The following ZNF438 variants were observed in gnomAD, a reference collection of about 807,000 sequenced individuals.
ZNF438 encodes zinc finger protein 438.
Under a neutral mutation model 38.0 loss-of-function variants are expected in ZNF438, and 25 were observed. The observed-to-expected ratio is 0.66, with a 90% confidence interval of 0.48 to 0.92. ZNF438 has a LOEUF of 0.92. Among genes scored for constraint, ZNF438 ranks in the 40% least tolerant of loss-of-function variants. ZNF438 has a pLI of 0.00. For synonymous variants in ZNF438, 372 were observed against 364.1 expected (o/e 1.02, Z -0.25); for missense variants, 1,007 against 999.6 (o/e 1.01, Z -0.10).
chr10:30,916,371 A>C (rs962021224), intron 2 of ZNF438, among the ~76,000 whole-genome samples: 1 of 152,066 alleles, frequency 6.6e-6, no homozygotes, highest in Non-Finnish European at 1.5e-5. Context: ...TAGTATTTTC[A>C]ACAAATGTGC....
At chr10:31,032,144 G>A (rs796590300), upstream of ZNF438, among the ~76,000 whole-genome samples, 3 of 152,248 alleles carry the variant, frequency 2.0e-5, no homozygotes, top group Non-Finnish European at 4.4e-5. Context: ...AGAGGAGGAG[G>A]AGGGGCCGAC....
chr10:30,943,622 T>C (rs1033811856), intron 1 of ZNF438, among the ~76,000 whole-genome samples: 13 of 152,080 alleles, frequency 8.5e-5, no homozygotes, highest in African/African-American at 1.4e-4. Context: ...ATAGTGTGGG[T>C]TGACATTACT....
At chr10:30,900,826 A>G (rs769551588) in intron 3 of ZNF438, among the ~76,000 whole-genome samples, 4 of 152,228 alleles carry the variant, frequency 2.6e-5, no homozygotes, top group African/African-American at 7.2e-5. Context: ...AATGGCCTAT[A>G]CTGCAGTAAG....
exon 5 of ZNF438, chr10:30,848,686 T>C (rs1183655251): frequency 6.2e-7 from 1 of 1,614,244 alleles, no homozygotes; most frequent in Non-Finnish European, 8.5e-7. Context: ...CAAACACTTT[T>C]GCACAAAACT....
intron 1 of ZNF438, among the ~76,000 whole-genome samples, chr10:30,965,539 A>G (rs1442355555): frequency 6.6e-6 from 1 of 152,218 alleles, no homozygotes; most frequent in Non-Finnish European, 1.5e-5. Context: ...TCCATCAAAG[A>G]AAACGTGGTA....
chr10:30,901,674 G>A (rs571038885), intron 3 of ZNF438, among the ~76,000 whole-genome samples: 9 of 151,840 alleles, frequency 5.9e-5, no homozygotes, highest in Admixed American at 2.6e-4. Flanking sequence ...ACCGCTCGGC[G>A]ATAGTCTCAC....
At chr10:31,012,572 T>C (rs1340025406) in intron 1 of ZNF438, among the ~76,000 whole-genome samples, 1 of 152,208 alleles carries the variant, frequency 6.6e-6, no homozygotes, top group African/African-American at 2.4e-5. Context: ...ACTGTTTTGA[T>C]CTAGGGGGCC....
At chr10:30,968,000 A>G (rs1439658077) in intron 1 of ZNF438, among the ~76,000 whole-genome samples, 1 of 152,180 alleles carries the variant, frequency 6.6e-6, no homozygotes, top group Non-Finnish European at 1.5e-5. Context: ...ATGGAGAAAA[A>G]GGGGAAAAAA....
intron 2 of ZNF438, among the ~76,000 whole-genome samples, chr10:30,937,268 G>T (rs1244165879): frequency 6.6e-6 from 1 of 152,106 alleles, no homozygotes; most frequent in Non-Finnish European, 1.5e-5. Flanking sequence ...GCATGCTTGG[G>T]TCTAACATCA....
In ZNF438 at chr10:30,850,238, G is replaced by C. The variant is rs772807588; in HGVS notation, c.167C>G (p.Pro56Arg). Residue 56 changes from proline to arginine, a missense_variant, in exon 5 of 6, where the codon CCA (proline) becomes CGA (arginine). Coordinates refer to ENST00000413025, the Ensembl canonical transcript of ZNF438. ...CAGATTCACCTGATCAGAGCGTGAT[G>C]GTGAATGACATGGCAGCATTCTGGA... 4.3e-6 allele frequency: 7 copies of C among 1,614,016 alleles called. No individual in the cohort carries two copies. In the African/African-American group the frequency reaches 8.0e-5, roughly 18 times the overall value.
intron 3 of ZNF438, among the ~76,000 whole-genome samples, chr10:30,888,490 A>G (rs1335925529): frequency 6.6e-6 from 1 of 151,988 alleles, no homozygotes; most frequent in African/African-American, 2.4e-5. Context: ...CTAATACCCA[A>G]TAGTTATTTT....
chr10:30,893,878 G>T lies in ZNF438; in HGVS notation c.-32+15055C>A, dbSNP rs565704936. Reference sequence around the variant, plus strand: ...TAAAAAAGTCTTATCCTCTGGGAAGGAAGGCAAATCTGAAACTAATTATGG... The same window carrying T: ...TAAAAAAGTCTTATCCTCTGGGAAGTAAGGCAAATCTGAAACTAATTATGG... On this transcript the variant is annotated intron_variant, in intron 3 of 5. Transcript: ENST00000413025. Among the ~76,000 whole-genome samples, 315 of 152,298 alleles carry T rather than the reference G, an allele frequency of 2.1e-3. 2 individuals carry two copies. Among genetic ancestry groups the T allele is most frequent in the African/African-American group, 7.2e-3 (299 of 41,552 alleles).
chr10:30,853,392 T>A (rs2034045265), intron 4 of ZNF438, among the ~76,000 whole-genome samples: 1 of 152,210 alleles, frequency 6.6e-6, no homozygotes, highest in Non-Finnish European at 1.5e-5. Context: ...GCCTCATGCT[T>A]AAAAAGGTTC....
chr10:30,990,477 T>C (rs1472004851), intron 1 of ZNF438, among the ~76,000 whole-genome samples: 1 of 152,064 alleles, frequency 6.6e-6, no homozygotes, highest in African/African-American at 2.4e-5. Context: ...AACCCTCAGG[T>C]CCAACCTCCA....
chr10:30,954,755 C>T (rs1056661781), intron 1 of ZNF438, among the ~76,000 whole-genome samples: 33 of 152,160 alleles, frequency 2.2e-4, no homozygotes, highest in African/African-American at 7.2e-4. Flanking sequence ...AGGAAGCCCA[C>T]AAAGTTTTAA....
intron 3 of ZNF438, among the ~76,000 whole-genome samples, chr10:30,880,989 C>T (rs992437157): frequency 6.6e-6 from 1 of 152,130 alleles, no homozygotes; most frequent in African/African-American, 2.4e-5. Context: ...GAACTCCTCA[C>T]TCTGGTGAAA....
chr10:30,881,766 CATAAAT>C lies in ZNF438; in HGVS notation c.-31-4707_-31-4702del, dbSNP rs1206252897. Among the ~76,000 whole-genome samples the C allele has an allele frequency of 1.9e-4, 28 of 151,350 alleles. No individual in the cohort carries two copies. In the South Asian group the frequency reaches 5.9e-3, roughly 32 times the overall value. On this transcript the variant is annotated intron_variant, in intron 3 of 5. Transcript: ENST00000413025. ...GATCAATGCAACAAAATAGAGAGTC[CATAAAT>C]AAATCTACACAGATATGTATTTTCA...
At chr10:31,029,317 G>A (rs1413361199) in intron 1 of ZNF438, among the ~76,000 whole-genome samples, 2 of 57,498 alleles carry the variant, frequency 3.5e-5, no homozygotes, top group Non-Finnish European at 3.3e-5. Context: ...CTCAGTTTAC[G>A]CTTACATAAT....
intron 3 of ZNF438, among the ~76,000 whole-genome samples, chr10:30,893,675 G>A (rs147670720): frequency 6.6e-6 from 1 of 152,268 alleles, no homozygotes; most frequent in African/African-American, 2.4e-5. Flanking sequence ...GCTACCAGCT[G>A]AGGATATGTG....
Sources: allele counts gnomAD v4.1 joint callset (sites outside exome capture counted in the v4.1 genomes callset), GRCh38; gene constraint gnomAD v4.1.1; transcripts MANE v1.5; gene names NCBI Gene and HGNC (gene_info 2026-07-23, HGNC 2026-07-21).